The following LRFN5 variants were observed in gnomAD, a reference collection of about 807,000 sequenced individuals.
LRFN5 encodes leucine-rich repeat and fibronectin type-III domain-containing protein 5.
In LRFN5, 24 loss-of-function variants were observed where a neutral mutation model predicts 45.6. That is an observed-to-expected ratio of 0.53 (90% CI 0.38 to 0.74). LRFN5 has a LOEUF of 0.74. LRFN5 is among the 30% of genes least tolerant of loss of function. The pLI is 0.00. For synonymous variants in LRFN5, 340 were observed against 313.8 expected, an observed-to-expected ratio of 1.08 and a Z score of -0.88; for missense variants, 776 against 861.5, an observed-to-expected ratio of 0.90 and a Z score of 1.24.
At chr14:41,689,342 T>C (rs1882264063) in intron 1 of LRFN5, among the ~76,000 whole-genome samples, 1 of 152,054 alleles carries the variant, frequency 6.6e-6, no homozygotes, top group Admixed American at 6.6e-5. Flanking sequence ...ATTAACAACA[T>C]TGACTAATCT....
intron 2 of LRFN5, among the ~76,000 whole-genome samples, chr14:41,853,808 G>T (rs958503414): frequency 2.0e-5 from 3 of 152,104 alleles, no homozygotes; most frequent in Non-Finnish European, 4.4e-5. Flanking sequence ...GATTCTAGTG[G>T]TATAGCAATG....
intron 4 of LRFN5, among the ~76,000 whole-genome samples, chr14:41,898,169 C>T (rs912101116): frequency 3.3e-5 from 5 of 151,978 alleles, no homozygotes; most frequent in Admixed American, 6.6e-5. Context: ...ACCTGTGAAT[C>T]CTAAGAAGGA....
intron 1 of LRFN5, among the ~76,000 whole-genome samples, chr14:41,679,198 G>T (rs1287560918): frequency 1.3e-5 from 2 of 152,132 alleles, no homozygotes; most frequent in African/African-American, 4.8e-5. Context: ...TGCAATTCCT[G>T]GGCAATTTCT....
Position 41,891,447 on chromosome 14 carries a change from C to T in LRFN5, c.1583C>T (p.Thr528Ile), listed in dbSNP as rs1184494599. The T allele has an allele frequency of 1.2e-6, 2 of 1,614,030 alleles. No individual in the cohort carries two copies. The change falls in exon 4 of 6, where the codon ACC (threonine) becomes ATC (isoleucine). Residue 528 changes from threonine to isoleucine, a missense_variant. Around this residue, in one of 2 missense-constraint regions of LRFN5, gnomAD observed 465 missense variants for 456.4 expected, o/e 1.02. Coordinates refer to ENST00000298119, the MANE Select transcript of LRFN5 (RefSeq NM_152447.5). The part of the protein sequence containing the change: ...HFMQSQFLGG[T>I]MIIIIGGIIV... ...ATGCAGTCTCAGTTTTTGGGAGGCA[C>T]CATGATTATTATTATTGGTGGAATC...
chr14:41,767,500 T>C (rs1885928678), intron 2 of LRFN5, among the ~76,000 whole-genome samples: 1 of 152,114 alleles, frequency 6.6e-6, no homozygotes, highest in South Asian at 2.1e-4. Flanking sequence ...ATATAGAGGG[T>C]AATGAACTGG....
intron 1 of LRFN5, among the ~76,000 whole-genome samples, chr14:41,657,749 A>G (rs1880447403): frequency 6.6e-6 from 1 of 151,974 alleles, no homozygotes; most frequent in African/African-American, 2.4e-5. Context: ...AAAGGCATGA[A>G]ATTATTTAAT....
intron 2 of LRFN5, among the ~76,000 whole-genome samples, chr14:41,825,540 C>G (rs989931505): frequency 2.6e-5 from 4 of 152,214 alleles, no homozygotes; most frequent in African/African-American, 9.6e-5. Context: ...CAAGAACTGT[C>G]TGCCTTGAGG....
intron 2 of LRFN5, among the ~76,000 whole-genome samples, chr14:41,869,170 T>C (rs527881483): frequency 6.6e-6 from 1 of 152,284 alleles, no homozygotes; most frequent in Non-Finnish European, 1.5e-5. Flanking sequence ...CCAATTTATA[T>C]TTCTGTTCTA....
chr14:41,695,428 A>T (rs911902969), intron 1 of LRFN5, among the ~76,000 whole-genome samples: 3 of 151,996 alleles, frequency 2.0e-5, no homozygotes, highest in Admixed American at 2.0e-4. Flanking sequence ...ACTACCTTCT[A>T]TTGGAAAAAG....
chr14:41,686,851 T>A (rs971893204), intron 1 of LRFN5, among the ~76,000 whole-genome samples: 3 of 152,204 alleles, frequency 2.0e-5, no homozygotes, highest in Non-Finnish European at 4.4e-5. Flanking sequence ...TGCTGCTAGA[T>A]TCAGTTTGCC....
chr14:41,854,288 G>A (rs944457935), intron 2 of LRFN5, among the ~76,000 whole-genome samples: 2 of 151,494 alleles, frequency 1.3e-5, no homozygotes, highest in African/African-American at 2.4e-5. Context: ...CCCTACAAAG[G>A]ACATGAACTC....
chr14:41,859,556 G>C (rs1010328352), intron 2 of LRFN5, among the ~76,000 whole-genome samples: 4 of 152,160 alleles, frequency 2.6e-5, no homozygotes, highest in Non-Finnish European at 4.4e-5. Context: ...TAACCCAGAG[G>C]GGGAAGCTTT....
chr14:41,645,541 T>C (rs368638904), intron 1 of LRFN5, among the ~76,000 whole-genome samples: 11 of 152,290 alleles, frequency 7.2e-5, no homozygotes, highest in East Asian at 5.8e-4. Context: ...CAAACTAGAA[T>C]CTTGTTACTC....
chr14:41,806,547 C>T (rs1246727989), intron 2 of LRFN5, among the ~76,000 whole-genome samples: 1 of 152,114 alleles, frequency 6.6e-6, no homozygotes, highest in East Asian at 1.9e-4. Flanking sequence ...TGTGATAATA[C>T]TAAGTATTCT....
At chr14:41,671,598 G>A (rs1401871918) in intron 1 of LRFN5, among the ~76,000 whole-genome samples, 1 of 81,042 alleles carries the variant, frequency 1.2e-5, no homozygotes, top group Non-Finnish European at 2.5e-5. Context: ...TGGATGTGGA[G>A]GAGAGATTTT....
At chr14:41,755,609 A>G (rs1167560835) in intron 1 of LRFN5, among the ~76,000 whole-genome samples, 1 of 151,392 alleles carries the variant, frequency 6.6e-6, no homozygotes, top group Non-Finnish European at 1.5e-5. Context: ...TTTGTTTTCC[A>G]TTTGCTTGGT....
At chr14:41,812,629 C>G (rs531863358) in intron 2 of LRFN5, among the ~76,000 whole-genome samples, 6 of 151,472 alleles carry the variant, frequency 4.0e-5, no homozygotes, top group Non-Finnish European at 8.8e-5. Flanking sequence ...ATTATTGAGT[C>G]AACATTCAAA....
chr14:41,744,293 G>A (rs1884827348), intron 1 of LRFN5, among the ~76,000 whole-genome samples: 2 of 152,230 alleles, frequency 1.3e-5, no homozygotes, highest in East Asian at 1.9e-4. Flanking sequence ...GGCGGTTGAA[G>A]CTGCAGAGAG....
chr14:41,675,136 G>A (rs2138672263), intron 1 of LRFN5, among the ~76,000 whole-genome samples: 1 of 151,762 alleles, frequency 6.6e-6, no homozygotes, highest in South Asian at 2.1e-4. Context: ...GCCAGGCAGA[G>A]GGGCTCCTCA....
Sources: gnomAD v4.1 joint callset for allele counts (sites outside exome capture counted in the v4.1 genomes callset) on GRCh38, gnomAD v4.1.1 for gene constraint, gnomAD v4.1.1 regional missense constraint, MANE v1.5 for transcripts, NCBI Gene and HGNC (gene_info 2026-07-23, HGNC 2026-07-21) for gene names.